KCNU1: variants seen among roughly 807,000 people sequenced by gnomAD.
The protein encoded by KCNU1 is potassium channel subfamily U member 1.
A neutral mutation model predicts 126.8 loss-of-function variants in KCNU1; 93 were observed. That is an observed-to-expected ratio of 0.73 (90% confidence interval 0.62 to 0.87). The LOEUF (loss-of-function observed/expected upper bound fraction) is 0.87, where lower values mean the gene tolerates loss of function less well. KCNU1 is among the 40% of genes least tolerant of loss of function. The pLI is 0.00. For missense variants in KCNU1, 1,330 were observed against 1,367.1 expected, an observed-to-expected ratio of 0.97 and a Z score of 0.43; for synonymous variants, 523 against 494.2, an observed-to-expected ratio of 1.06 and a Z score of -0.77.
At chr8:36,922,336 A>C (rs535815406) in intron 23 of KCNU1, among the ~76,000 whole-genome samples, 154 bp from the exon 24 acceptor site, 4 of 152,190 alleles carry the variant, frequency 2.6e-5, no homozygotes, top group Non-Finnish European at 4.4e-5. Context: ...GAAAGAAAAA[A>C]AAAATGTACT....
chr8:36,918,546 C>A (rs1028460471), intron 22 of KCNU1, among the ~76,000 whole-genome samples: 3 of 150,496 alleles, frequency 2.0e-5, no homozygotes, highest in Non-Finnish European at 3.0e-5. Context: ...TGGAGCAAGA[C>A]CCTGTTTCAA....
chr8:36,892,862 G>T (rs1807022729), intron 19 of KCNU1, among the ~76,000 whole-genome samples: 1 of 151,964 alleles, frequency 6.6e-6, no homozygotes, highest in Non-Finnish European at 1.5e-5. Flanking sequence ...TTTCCCCTGG[G>T]TGTATTTACA....
At chr8:36,887,232 C>T (rs532997565) in intron 19 of KCNU1, among the ~76,000 whole-genome samples, 320 of 152,256 alleles carry the variant, frequency 2.1e-3, no homozygotes, top group African/African-American at 7.4e-3. Flanking sequence ...ACACTGTTTT[C>T]CATACAGATT....
rs201366010 is a variant in KCNU1 at position 36,922,526 on chromosome 8, G to A, written c.2633G>A (p.Gly878Asp). Residue 878 changes from glycine to aspartate, a missense_variant, in exon 24 of 27, where the codon GGT becomes GAT. Around this residue, in one of 3 missense-constraint regions of KCNU1, gnomAD observed 1,054 missense variants for 1,053.9 expected, o/e 1.00. Coordinates refer to ENST00000399881, the MANE Select transcript of KCNU1 (RefSeq NM_001031836.3). Reference protein sequence around the residue: ...PSNIHFIEQLGGLEGSLQETN... With the variant: ...PSNIHFIEQLDGLEGSLQETN... ...AACATTCACTTTATTGAACAGCTTG[G>A]TGGACTGGAAGGGTCCCTCCAAGAA... The A allele has an allele frequency of 6.2e-7, 1 of 1,613,478 alleles. No individual in the cohort carries two copies. The highest frequency in any genetic ancestry group is 8.5e-7 in the Non-Finnish European group (1 of 1,179,674).
intron 19 of KCNU1, among the ~76,000 whole-genome samples, chr8:36,875,664 C>A (rs1467469155): frequency 6.6e-6 from 1 of 151,822 alleles, no homozygotes; most frequent in African/African-American, 2.4e-5. Flanking sequence ...TGATTAATAC[C>A]TTTATATTCA....
In KCNU1 at chr8:36,803,617, A is replaced by G. The variant is rs1002210974; in HGVS notation, c.316-410A>G. ...AATTCAAATCCAGGGTCTATTTCCA[A>G]TAACCCCTTCTTTTCTAGCATGTGA... is the stretch of plus-strand genomic sequence containing the variant. On this transcript the variant is annotated intron_variant, in intron 2 of 26. Coordinates refer to ENST00000399881, the MANE Select transcript of KCNU1 (RefSeq NM_001031836.3). 1.6e-4 allele frequency among the ~76,000 whole-genome samples: 25 copies of G among 152,180 alleles called. 1 individual carries two copies. The highest frequency in any genetic ancestry group is 4.8e-5 in the African/African-American group (2 of 41,448).
intron 10 of KCNU1, 71 bp downstream of exon 10, chr8:36,817,831 G>A: frequency 1.4e-6 from 1 of 720,940 alleles, no homozygotes; most frequent in Non-Finnish European, 2.4e-6. Context: ...TTTAATGCAA[G>A]AAAATTACCT....
chr8:36,868,609 A>G (rs571679217), intron 19 of KCNU1, among the ~76,000 whole-genome samples: 21 of 152,074 alleles, frequency 1.4e-4, no homozygotes, highest in African/African-American at 5.1e-4. Context: ...GCCCTAACTT[A>G]TACAAAAGTT....
intron 18 of KCNU1, among the ~76,000 whole-genome samples, chr8:36,858,193 A>AC (rs1426222051): frequency 5.9e-5 from 9 of 151,764 alleles, no homozygotes; most frequent in Admixed American, 1.3e-4. Context: ...AAAAAAAAAA[A>AC]AAAAAACTGT....
chr8:36,905,933 A>C (rs940175959), intron 20 of KCNU1, 129 bp downstream of exon 20: 33 of 550,510 alleles, frequency 6.0e-5, no homozygotes, highest in Middle Eastern at 2.8e-4. Flanking sequence ...AAAGAAAAAA[A>C]CCCACATCCC....
intron 22 of KCNU1, among the ~76,000 whole-genome samples, chr8:36,911,393 G>C (rs1382221055): frequency 1.3e-5 from 2 of 152,088 alleles, no homozygotes; most frequent in African/African-American, 4.8e-5. Flanking sequence ...TAATTTTGAA[G>C]TGTTATCATT....
At chr8:36,788,380 T>C (rs1802786723) in intron 2 of KCNU1, among the ~76,000 whole-genome samples, 1 of 152,194 alleles carries the variant, frequency 6.6e-6, no homozygotes, top group Non-Finnish European at 1.5e-5. Context: ...TGTCAGGAAA[T>C]AGCAGATGCC....
At chr8:36,866,801 G>A (rs725680) in intron 19 of KCNU1, among the ~76,000 whole-genome samples, 56,621 of 151,892 alleles carry the variant, frequency 0.37, 10,882 homozygotes, top group Admixed American at 0.43. Context: ...ATAGTTTTTG[G>A]CAGCACCGTA....
intron 11 of KCNU1, among the ~76,000 whole-genome samples, chr8:36,834,102 G>A (rs1156783692): frequency 6.6e-6 from 1 of 152,114 alleles, no homozygotes; most frequent in Non-Finnish European, 1.5e-5. Context: ...GAAAATAGTA[G>A]AAATCTCATT....
chr8:36,849,763 T>C (rs1417352883), intron 18 of KCNU1, among the ~76,000 whole-genome samples: 1 of 152,206 alleles, frequency 6.6e-6, no homozygotes, highest in East Asian at 1.9e-4. Context: ...CTTTACATAT[T>C]GTATATAATG....
intron 2 of KCNU1, among the ~76,000 whole-genome samples, chr8:36,801,702 A>G (rs1244499479): frequency 2.0e-5 from 3 of 152,108 alleles, no homozygotes; most frequent in Non-Finnish European, 4.4e-5. Flanking sequence ...ACATATATAT[A>G]TCTCCACTCC....
chr8:36,921,003 G>A (rs189077308), intron 23 of KCNU1, among the ~76,000 whole-genome samples: 4 of 152,224 alleles, frequency 2.6e-5, no homozygotes, highest in Admixed American at 6.5e-5. Flanking sequence ...GTTTGGATTG[G>A]TCATTTCAAG....
At chr8:36,893,134 G>GTT (rs776511807) in intron 19 of KCNU1, among the ~76,000 whole-genome samples, 5 of 119,482 alleles carry the variant, frequency 4.2e-5, no homozygotes, top group African/African-American at 1.5e-4. Flanking sequence ...GCTACTTTTT[G>GTT]TTTTTTTTTG....
chr8:36,815,210 AG>A lies in KCNU1; in HGVS notation c.904-385del, dbSNP rs1461254321. Among the ~76,000 whole-genome samples, 7 of 152,256 alleles carry A rather than the reference AG, an allele frequency of 4.6e-5. No homozygotes were observed. The South Asian group carries it at 1.5e-3, about 32-fold the overall frequency. On this transcript the variant is annotated intron_variant, in intron 8 of 26. Transcript: ENST00000399881. The stretch of plus-strand genomic sequence containing the variant: ...GTCAGGCATGGTGGCAGGCACCTGT[AG>A]TCCCAGCCACTTGGGAGGCTGAGGC...
Sources: gnomAD v4.1 joint callset for allele counts (sites outside exome capture counted in the v4.1 genomes callset) on GRCh38, gnomAD v4.1.1 for gene constraint, gnomAD v4.1.1 regional missense constraint, MANE v1.5 for transcripts, NCBI Gene and HGNC (gene_info 2026-07-23, HGNC 2026-07-21) for gene names.